Variants in OR9G4 observed in about 807,000 individuals in gnomAD.
The protein encoded by OR9G4 is olfactory receptor family 9 subfamily G member 4.
A neutral mutation model predicts 16.7 loss-of-function variants in OR9G4; 19 were observed. The ratio of observed to expected loss-of-function variants is 1.14; its 90% CI spans 0.79 to 1.67. The LOEUF (loss-of-function observed/expected upper bound fraction) is 1.67. Among genes scored for constraint, OR9G4 ranks in the 40% most tolerant of loss-of-function variants. The pLI, the probability that OR9G4 is intolerant of heterozygous loss-of-function variation, is 0.00. For missense variants in OR9G4, 428 were observed against 370.4 expected (o/e 1.16, Z -1.28); for synonymous variants, 182 against 146.2 (o/e 1.24, Z -1.76).
chr11:56,746,326 C>T (rs1858415607), intron 1 of OR9G4, among the ~76,000 whole-genome samples: 2 of 148,646 alleles, frequency 1.3e-5, no homozygotes, highest in African/African-American at 4.9e-5. Context: ...AAATACAATC[C>T]TATGAAGTTG....
At chr11:56,744,777 T>C (rs1011989261) in intron 1 of OR9G4, among the ~76,000 whole-genome samples, 2 of 152,206 alleles carry the variant, frequency 1.3e-5, no homozygotes, top group African/African-American at 4.8e-5. Flanking sequence ...ATAAGACATC[T>C]GGCTGCGCTC....
At chr11:56,746,216 C>A (rs1279349038) in intron 1 of OR9G4, among the ~76,000 whole-genome samples, 1 of 147,112 alleles carries the variant, frequency 6.8e-6, no homozygotes, top group Non-Finnish European at 1.5e-5. Flanking sequence ...TGGCGTGAAC[C>A]CGGGAGGCGG....
Position 56,743,583 on chromosome 11 carries a change from A to G in OR9G4, c.184T>C (p.Phe62Leu), listed in dbSNP as rs1858350491. The change falls in exon 2 of 2, where the codon TTC becomes CTC. Residue 62 changes from phenylalanine to leucine, a missense_variant. By Grantham distance (22) the Phe-to-Leu change is conservative. Transcript: ENST00000641668. ...DSHLHTPMYF[F>L]IGNLSFLDFW... ...TCCAAAAAAGACAGATTGCCAATGA[A>G]AAAGTACATAGGTGTATGCAAGTGG... 4 of 1,614,082 alleles carry G rather than the reference A, an allele frequency of 2.5e-6. No homozygotes were observed. The highest frequency in any genetic ancestry group is 3.4e-6 in the Non-Finnish European group (4 of 1,180,036).
chr11:56,747,384 G>A (rs1858434670), intron 1 of OR9G4, among the ~76,000 whole-genome samples: 1 of 151,866 alleles, frequency 6.6e-6, no homozygotes. Flanking sequence ...TAAATTCCAT[G>A]CCCCTTTCCT....
Position 56,743,756 on chromosome 11 carries a change from C to T in OR9G4, c.11G>A (p.Gly4Glu). 1.2e-6 allele frequency: 2 copies of T among 1,613,884 alleles called. No individual in the cohort carries two copies. The highest frequency in any genetic ancestry group is 1.7e-6 in the Non-Finnish European group (2 of 1,179,832). The change falls in exon 2 of 2, where the codon GGA (glycine) becomes GAA (glutamate). Residue 4 changes from glycine (G) to glutamate (E), a missense_variant. Coordinates refer to ENST00000641668, the MANE Select transcript of OR9G4 (RefSeq NM_001005284.2). The part of the protein sequence containing the change: MEV[G>E]NCTILTEFIL... ...GAATTCAGTCAGGATGGTGCAATTT[C>T]CCACTTCCATGTCCACGGAGGTGAA...
Position 56,743,001 on chromosome 11 carries a change from A to G in OR9G4, c.766T>C (p.Leu256=), listed in dbSNP as rs778583170. ...ISVMLFYGSL[L]FMYSRPSSTY... ...GAACTAGGCCTTGAATACATAAACA[A>G]CAATGATCCATAGAAGAGCATGACT... Residue 256 remains leucine (L), a synonymous_variant, in exon 2 of 2, where the codon TTG becomes CTG. Transcript: ENST00000641668. The G allele has an allele frequency of 1.1e-5, 18 of 1,614,084 alleles. No individual in the cohort carries two copies. Among genetic ancestry groups the G allele is most frequent in the Non-Finnish European group, 1.4e-5 (16 of 1,179,954 alleles).
chr11:56,747,295 CCTTCAT>C (rs1408514478), intron 1 of OR9G4, among the ~76,000 whole-genome samples: 1 of 151,838 alleles, frequency 6.6e-6, no homozygotes, highest in East Asian at 1.9e-4. Flanking sequence ...ATGGCTCACT[CCTTCAT>C]CTTCTTTAAG....
At position 56,742,589 on chromosome 11, in the gene OR9G4, T is replaced by C; in HGVS notation, c.*239A>G. The C allele has an allele frequency of 4.2e-6, 2 of 475,140 alleles. No individual in the cohort carries two copies. Among genetic ancestry groups the C allele is most frequent in the Non-Finnish European group, 7.4e-6 (2 of 269,228 alleles). 29.4% of individuals were successfully genotyped at this position (475,140 alleles called of 1,614,324 possible). A position where few individuals can be genotyped will look rare whatever the true frequency, so the allele number is the denominator to read the frequency against. ...ACAATGAAATCTATGAAAGATTTAA[T>C]GCTGCCAAGGCAAAATACCATATTG... On this transcript the variant is annotated 3_prime_UTR_variant, in exon 2 of 2. Transcript: ENST00000641668.
chr11:56,741,800 A>T lies in OR9G4; in HGVS notation c.*1028T>A, dbSNP rs988813668. ...TGAAAATTGTAACCATTAATCCTTAACTTGCCATCTTCTAAAGGCTACTAA... is the reference window on the plus strand; with the variant it reads ...TGAAAATTGTAACCATTAATCCTTATCTTGCCATCTTCTAAAGGCTACTAA... On this transcript the variant is annotated 3_prime_UTR_variant, in exon 2 of 2. Coordinates refer to ENST00000641668, the MANE Select transcript of OR9G4 (RefSeq NM_001005284.2). 1.2e-4 allele frequency: 18 copies of T among 152,198 alleles called. No individual in the cohort carries two copies. The highest frequency in any genetic ancestry group is 3.6e-4 in the African/African-American group (15 of 41,438). The allele number at this position is 152,198 out of a possible 1,614,324, so 9.4% of individuals were successfully genotyped here.
chr11:56,746,119 C>T (rs1858409406), intron 1 of OR9G4, among the ~76,000 whole-genome samples: 1 of 151,352 alleles, frequency 6.6e-6, no homozygotes, highest in African/African-American at 2.4e-5. Flanking sequence ...CGGTGAAACC[C>T]CGTCTCTACT....
rs551697976 is a variant in OR9G4, at chr11:56,743,179, T to C, written c.588A>G (p.Glu196=). The C allele has an allele frequency of 6.2e-7, 1 of 1,614,142 alleles. No homozygotes were observed. The highest frequency in any genetic ancestry group is 1.7e-5 in the Admixed American group (1 of 60,026). The change falls in exon 2 of 2, where the codon GAA becomes GAG. Residue 196 remains glutamate (E), a synonymous_variant. Coordinates refer to ENST00000641668, the MANE Select transcript of OR9G4 (RefSeq NM_001005284.2). ...KMSCTNTRVY[E]KVLLGVVGFT... The stretch of plus-strand genomic sequence containing the variant: ...AGCCCACCACACCAAGCAGGACTTT[T>C]TCGTAGACCCTGGTGTTTGTACAGG...
chr11:56,748,028 AGTG>A (rs1349176352), intron 1 of OR9G4, among the ~76,000 whole-genome samples: 1 of 152,216 alleles, frequency 6.6e-6, no homozygotes, highest in Non-Finnish European at 1.5e-5. Flanking sequence ...TCTATCCTCA[AGTG>A]GACTTTCCCA....
Position 56,742,999 on chromosome 11 carries a change from C to T in OR9G4, c.768G>A (p.Leu256=), listed in dbSNP as rs368936350. ...ISVMLFYGSL[L]FMYSRPSSTY... is the part of the protein sequence containing the mutation. ...TGGAACTAGGCCTTGAATACATAAA[C>T]AACAATGATCCATAGAAGAGCATGA... The change falls in exon 2 of 2, where the codon TTG becomes TTA. Residue 256 remains leucine (L), a synonymous_variant. Transcript: ENST00000641668. 6.2e-7 allele frequency: 1 copy of T among 1,614,056 alleles called. No individual in the cohort carries two copies. Among genetic ancestry groups the T allele is most frequent in the Non-Finnish European group, 8.5e-7 (1 of 1,179,976 alleles).
In OR9G4 at chr11:56,743,904, C is replaced by G. The variant is rs1486738758; in HGVS notation, c.-22-116G>C. The stretch of plus-strand genomic sequence containing the variant: ...CTTGTAGATTTTTCTCCCTTACTAT[C>G]TAGAATTATAGGACTTCAGTCCATG... On this transcript the variant is annotated intron_variant, in intron 1 of 1. Transcript: ENST00000641668. The G allele has an allele frequency of 2.5e-6, 3 of 1,197,608 alleles. No individual in the cohort carries two copies. In the East Asian group the frequency reaches 7.1e-5, roughly 28 times the overall value. The allele number at this position is 1,197,608 out of a possible 1,614,324, so 74.2% of individuals were successfully genotyped here.
At position 56,742,952 on chromosome 11, in the gene OR9G4, T is replaced by C. The variant is rs762267048; in HGVS notation, c.815A>G (p.Lys272Arg). ...PSSTYSLERD[K>R]VAALFYTVIN... is the part of the protein sequence containing the mutation. ...CACGGTGTAGAACAGAGCAGCTACT[T>C]TGTCCCTCTCTAGGGAGTAGGTGGA... Residue 272 changes from lysine (K) to arginine (R), a missense_variant, in exon 2 of 2, where the codon AAA (lysine) becomes AGA (arginine). Transcript: ENST00000641668. 8 of 1,614,134 alleles carry C rather than the reference T, an allele frequency of 5.0e-6. No individual in the cohort carries two copies. The East Asian group carries it at 1.3e-4, about 27-fold the overall frequency.
In OR9G4 at chr11:56,741,461, G is replaced by T. The variant is rs1034421814; in HGVS notation, c.*1367C>A. Reference sequence around the variant, plus strand: ...ATAGTGACTATTATGGAGATGAAAAGAAAACATAATATGGATCATTGATAT... The same window carrying T: ...ATAGTGACTATTATGGAGATGAAAATAAAACATAATATGGATCATTGATAT... On this transcript the variant is annotated 3_prime_UTR_variant, in exon 2 of 2. Coordinates refer to ENST00000641668, the MANE Select transcript of OR9G4 (RefSeq NM_001005284.2). 1 of 156,866 alleles carries T rather than the reference G, an allele frequency of 6.4e-6. No homozygotes were observed. Among genetic ancestry groups the T allele is most frequent in the Non-Finnish European group, 1.4e-5 (1 of 71,346 alleles). 9.7% of individuals were successfully genotyped at this position (156,866 alleles called of 1,614,324 possible). A position where few individuals can be genotyped will look rare whatever the true frequency, so the allele number is the denominator to read the frequency against.
At position 56,743,158 on chromosome 11, in the gene OR9G4, C is replaced by T; in HGVS notation, c.609G>A (p.Val203=). ...RVYEKVLLGV[V]GFTVLSSILA... is the part of the protein sequence containing the mutation. ...GAATGCTGGAGAGTACTGTGAAGCCCACCACACCAAGCAGGACTTTTTCGT... is the reference window on the plus strand; with the variant it reads ...GAATGCTGGAGAGTACTGTGAAGCCTACCACACCAAGCAGGACTTTTTCGT... The change falls in exon 2 of 2, where the codon GTG becomes GTA. Residue 203 remains valine (V), a synonymous_variant. Transcript: ENST00000641668. The T allele has an allele frequency of 1.2e-6, 2 of 1,613,980 alleles. No individual in the cohort carries two copies. The highest frequency in any genetic ancestry group is 1.3e-5 in the African/African-American group (1 of 74,984).
chr11:56,746,740 A>C (rs1858422887), intron 1 of OR9G4, among the ~76,000 whole-genome samples: 1 of 152,182 alleles, frequency 6.6e-6, no homozygotes, highest in Non-Finnish European at 1.5e-5. Context: ...GAAGTCAAAA[A>C]TTTGGAATCA....
At chr11:56,743,844 C>A (rs186446327) in intron 1 of OR9G4, 56 bp from the exon 2 acceptor site, 3 of 1,560,908 alleles carry the variant, frequency 1.9e-6, no homozygotes, top group East Asian at 2.2e-5. Context: ...CACAAGTTGA[C>A]AAGGGTATCA....
Sources: gnomAD v4.1 joint callset for allele counts (sites outside exome capture counted in the v4.1 genomes callset) on GRCh38, gnomAD v4.1.1 for gene constraint, MANE v1.5 for transcripts, NCBI Gene and HGNC (gene_info 2026-07-23, HGNC 2026-07-21) for gene names.